The following NCOR1 variants were observed in gnomAD, a reference collection of about 807,000 sequenced individuals.
NCOR1 encodes the protein nuclear receptor corepressor 1.
NCOR1 carries 63 observed loss-of-function variants against 288.1 expected under a neutral mutation model. The observed-to-expected ratio is 0.22, with a 90% CI of 0.18 to 0.27. The LOEUF (loss-of-function observed/expected upper bound fraction) is 0.27, where lower values mean the gene tolerates loss of function less well. Ranked by LOEUF, NCOR1 falls within the 10% of genes least tolerant of loss-of-function variation. NCOR1 has a pLI of 1.00. For missense variants in NCOR1, 2,397 were observed against 3,019.2 expected (o/e 0.79, Z 4.83); for synonymous variants, 1,007 against 1,065.9 (o/e 0.94, Z 1.08).
At chr17:16,038,538 G>C (rs1401495981) in intron 44 of NCOR1, among the ~76,000 whole-genome samples, 1 of 151,898 alleles carries the variant, frequency 6.6e-6, no homozygotes, top group South Asian at 2.1e-4. Flanking sequence ...CTGGGCTCAA[G>C]TGATCTTCCC....
chr17:16,187,779 C>T (rs1022493790), intron 2 of NCOR1, among the ~76,000 whole-genome samples: 70 of 151,534 alleles, frequency 4.6e-4, no homozygotes, highest in Non-Finnish European at 9.0e-4. Context: ...CATTGTGGCA[C>T]GTCCCGGCTA....
At chr17:16,206,657 A>G (rs1205491608) in intron 1 of NCOR1, among the ~76,000 whole-genome samples, 2 of 152,238 alleles carry the variant, frequency 1.3e-5, no homozygotes, top group Non-Finnish European at 2.9e-5. Context: ...AAGTACTGGG[A>G]TAACAGGCAT....
chr17:16,108,327 C>T, intron 19 of NCOR1: 1 of 246,354 alleles, frequency 4.1e-6, no homozygotes, highest in Admixed American at 4.8e-5. Flanking sequence ...TACATTATTT[C>T]TTAAATTTCC....
At chr17:16,107,865 CA>C (rs2069110252) in intron 19 of NCOR1, among the ~76,000 whole-genome samples, 1 of 151,650 alleles carries the variant, frequency 6.6e-6, no homozygotes, top group African/African-American at 2.4e-5. Context: ...TGTTCAAAGC[CA>C]AAACCCATTT....
At chr17:16,208,673 A>G (rs1300322620) in intron 1 of NCOR1, among the ~76,000 whole-genome samples, 1 of 151,878 alleles carries the variant, frequency 6.6e-6, no homozygotes, top group Non-Finnish European at 1.5e-5. Flanking sequence ...CAACATAATG[A>G]GACCCTGTTT....
At chr17:16,077,612 G>T in intron 26 of NCOR1, among the ~76,000 whole-genome samples, 1 of 145,508 alleles carries the variant, frequency 6.9e-6, no homozygotes. Flanking sequence ...AAAAGAAAAG[G>T]AAGGGAGGAA....
chr17:16,173,747 T>C (rs182228392), intron 3 of NCOR1, among the ~76,000 whole-genome samples: 65 of 152,084 alleles, frequency 4.3e-4, no homozygotes, highest in African/African-American at 1.5e-3. Flanking sequence ...CTGACCAACA[T>C]GGAGAAAAAC....
intron 11 of NCOR1, among the ~76,000 whole-genome samples, chr17:16,140,362 C>G (rs1275304157): frequency 1.3e-5 from 2 of 152,194 alleles, no homozygotes; most frequent in Non-Finnish European, 2.9e-5. Flanking sequence ...GATTATACTG[C>G]TACAAAAGAA....
At position 16,215,352 on chromosome 17, in the gene NCOR1, G is replaced by T; in HGVS notation, c.-71+10C>A. 1 of 393,522 alleles carries T rather than the reference G, an allele frequency of 2.5e-6. No individual in the cohort carries two copies. The highest frequency in any genetic ancestry group is 4.5e-6 in the Non-Finnish European group (1 of 223,030). The allele number at this position is 393,522 out of a possible 1,614,324, so 24.4% of individuals were successfully genotyped here. A position where few individuals can be genotyped will look rare whatever the true frequency, so the allele number is the denominator to read the frequency against. On this transcript the variant is annotated intron_variant, in intron 1 of 45. Transcript: ENST00000268712. ...GGAGGCCGGGGTTGCAGGCGCCAGGGCCTACTCACCGGGAGCTGGCTAAGC... is the reference window on the plus strand; with the variant it reads ...GGAGGCCGGGGTTGCAGGCGCCAGGTCCTACTCACCGGGAGCTGGCTAAGC...
At chr17:16,124,217 A>G (rs573063014) in intron 15 of NCOR1, among the ~76,000 whole-genome samples, 97 of 152,338 alleles carry the variant, frequency 6.4e-4, no homozygotes, top group African/African-American at 2.2e-3. Flanking sequence ...CACAAGGACT[A>G]TAGATATAAC....
intron 3 of NCOR1, among the ~76,000 whole-genome samples, chr17:16,181,661 T>A (rs1212053575): frequency 8.3e-6 from 1 of 120,326 alleles, no homozygotes; most frequent in African/African-American, 2.8e-5. Flanking sequence ...CTAAACTATG[T>A]GTATCCCATA....
intron 26 of NCOR1, among the ~76,000 whole-genome samples, chr17:16,077,713 C>T (rs2062779844): frequency 6.6e-6 from 1 of 152,016 alleles, no homozygotes; most frequent in Non-Finnish European, 1.5e-5. Flanking sequence ...TTTTATGCTA[C>T]AGGAATGAAC....
intron 5 of NCOR1, among the ~76,000 whole-genome samples, chr17:16,161,455 C>T (rs1394050675): frequency 6.6e-6 from 1 of 152,082 alleles, no homozygotes; most frequent in African/African-American, 2.4e-5. Context: ...CCACCACACT[C>T]AGCTAATTTT....
At chr17:16,062,643 A>C (rs1380624773) in intron 35 of NCOR1, among the ~76,000 whole-genome samples, 1 of 152,242 alleles carries the variant, frequency 6.6e-6, no homozygotes, top group African/African-American at 2.4e-5. Flanking sequence ...ATGATTTCCA[A>C]AATCTAATCA....
chr17:16,096,106 G>A (rs945017873), intron 21 of NCOR1, among the ~76,000 whole-genome samples: 2 of 152,122 alleles, frequency 1.3e-5, no homozygotes, highest in African/African-American at 4.8e-5. Flanking sequence ...GATGTGCTTT[G>A]TTAAACAGAT....
chr17:16,127,305 ATATACATGTATGTATATATG>A (rs2074419738), intron 14 of NCOR1, among the ~76,000 whole-genome samples: 1 of 91,764 alleles, frequency 1.1e-5, no homozygotes, highest in East Asian at 2.1e-4. Context: ...ATGTATGTAT[ATATACATGTATGTATATATG>A]TATGTATATA....
chr17:16,034,759 C>A lies in NCOR1; in HGVS notation c.7135+6G>T, dbSNP rs961020101. The A allele has an allele frequency of 5.0e-6, 8 of 1,608,418 alleles. No individual in the cohort carries two copies. The highest frequency in any genetic ancestry group is 5.1e-6 in the Non-Finnish European group (6 of 1,177,280). Reference sequence around the variant, plus strand: ...CTCATTTTCTAAGTTAAAGCAGAATCCTTACCTGTTGAAGAGGGCCTGTCT... The same window carrying A: ...CTCATTTTCTAAGTTAAAGCAGAATACTTACCTGTTGAAGAGGGCCTGTCT... On this transcript the variant is annotated splice_donor_region_variant and intron_variant, in intron 45 of 45. Coordinates refer to ENST00000268712, the MANE Select transcript of NCOR1 (RefSeq NM_006311.4).
chr17:16,184,142 G>A (rs1160076369), intron 3 of NCOR1, among the ~76,000 whole-genome samples: 1 of 152,172 alleles, frequency 6.6e-6, no homozygotes, highest in Non-Finnish European at 1.5e-5. Context: ...AGAGAACGTA[G>A]GGAGAAAAGC....
At position 16,127,552 on chromosome 17, in the gene NCOR1, CATGTGTATATATGTATGTATATATACAT is replaced by C. The variant is rs1261721766; in HGVS notation, c.1510-1374_1510-1347del. Among the ~76,000 whole-genome samples the C allele has an allele frequency of 5.6e-3, 681 of 120,576 alleles. 27 individuals are homozygous for C. Among genetic ancestry groups the C allele is most frequent in the African/African-American group, 0.023 (619 of 26,824 alleles). 79.1% of individuals were successfully genotyped at this position (120,576 alleles called of 152,430 possible). ...GTATATATCTGCATGTATATATACA[CATGTGTATATATGTATGTATATATACAT>C]ATGTGTATATATGTATGTATACATA... On this transcript the variant is annotated intron_variant, in intron 14 of 45. Transcript: ENST00000268712.
Sources: gnomAD v4.1 joint callset for allele counts (sites outside exome capture counted in the v4.1 genomes callset) on GRCh38, gnomAD v4.1.1 for gene constraint, MANE v1.5 for transcripts, NCBI Gene and HGNC (gene_info 2026-07-23, HGNC 2026-07-21) for gene names.